PAX3: variants seen among roughly 807,000 people sequenced by gnomAD.
PAX3 encodes paired box 3.
PAX3 carries 14 observed loss-of-function variants against 51.6 expected under a neutral mutation model. That is an observed-to-expected ratio of 0.27 (90% CI 0.18 to 0.42). The LOEUF is 0.42. Among genes scored for constraint, PAX3 ranks in the 10% least tolerant of loss-of-function variants. The probability of loss-of-function intolerance (pLI) is 1.00; values close to 1 mark genes in which losing one functional copy is unlikely to be tolerated. For missense variants in PAX3, 540 were observed against 642.8 expected, an observed-to-expected ratio of 0.84 and a Z score of 1.73; for synonymous variants, 280 against 253.4, an observed-to-expected ratio of 1.11 and a Z score of -1.00.
rs537139398 is a variant in PAX3, at chr2:222,201,062, C to T, written c.*346G>A. 4.0e-4 allele frequency: 472 copies of T among 1,174,678 alleles called. 3 individuals are homozygous for T. Among genetic ancestry groups the T allele is most frequent in the Middle Eastern group, 9.6e-4 (5 of 5,224 alleles). 72.8% of individuals were successfully genotyped at this position (1,174,678 alleles called of 1,614,324 possible). A position where few individuals can be genotyped will look rare whatever the true frequency, so the allele number is the denominator to read the frequency against. ...ACACACACACACACACACGCACGCA[C>T]GCACACAAGCAAATGGAATGTTCTA... On this transcript the variant is annotated 3_prime_UTR_variant, in exon 9 of 9. Coordinates refer to ENST00000392070, the MANE Select transcript of PAX3 (RefSeq NM_181458.4).
chr2:222,221,433 A>G (rs1574648238), intron 5 of PAX3, 46 bp from the exon 6 acceptor site: 7 of 1,526,796 alleles, frequency 4.6e-6, no homozygotes, highest in Non-Finnish European at 6.4e-6. Context: ...ATGAAATAAT[A>G]GTACATTCTT....
chr2:222,298,487 C>A (rs750227123), intron 1 of PAX3, 44 bp downstream of exon 1: 1 of 1,519,974 alleles, frequency 6.6e-7, no homozygotes, highest in African/African-American at 1.4e-5. Context: ...GGCAGCCGGT[C>A]CCAGGCCCTG....
chr2:222,207,995 A>ATG (rs915228594), intron 7 of PAX3, among the ~76,000 whole-genome samples: 15 of 134,016 alleles, frequency 1.1e-4, no homozygotes, highest in African/African-American at 3.5e-4. Context: ...ATATACATAT[A>ATG]TGTGTGTGTA....
intron 4 of PAX3, among the ~76,000 whole-genome samples, chr2:222,247,228 G>C (rs2106119668): frequency 6.6e-6 from 1 of 152,270 alleles, no homozygotes; most frequent in East Asian, 1.9e-4. Context: ...TCTGATAGAA[G>C]AAGCTAGAGC....
At chr2:222,219,919 A>T (rs533835384) in intron 7 of PAX3, among the ~76,000 whole-genome samples, 1 of 152,346 alleles carries the variant, frequency 6.6e-6, no homozygotes, top group Admixed American at 6.5e-5. Flanking sequence ...AGTCTCCAAG[A>T]TTATATCAAA....
chr2:222,245,793 A>G (rs12618431), intron 4 of PAX3, among the ~76,000 whole-genome samples: 17,216 of 146,580 alleles, frequency 0.12, 1,228 homozygotes, highest in East Asian at 0.33. Context: ...AACATGGTGA[A>G]ACCCCATCTC....
chr2:222,240,468 G>A (rs958897526), intron 4 of PAX3, among the ~76,000 whole-genome samples: 1 of 152,186 alleles, frequency 6.6e-6, no homozygotes, highest in Non-Finnish European at 1.5e-5. Flanking sequence ...ATTGGTCATC[G>A]AAAAGTCCTC....
At chr2:222,229,458 T>C (rs1293855991) in intron 5 of PAX3, among the ~76,000 whole-genome samples, 3 of 152,114 alleles carry the variant, frequency 2.0e-5, no homozygotes, top group African/African-American at 4.8e-5. Context: ...CCTTGGTCTA[T>C]CTACAACTCT....
intron 4 of PAX3, chr2:222,232,860 T>C (rs1692650260): frequency 1.3e-5 from 2 of 154,470 alleles, no homozygotes; most frequent in Non-Finnish European, 2.9e-5. Context: ...ATTTATAGAC[T>C]ACTGCTCTTA....
At chr2:222,239,301 G>A (rs1692916031) in intron 4 of PAX3, among the ~76,000 whole-genome samples, 1 of 149,890 alleles carries the variant, frequency 6.7e-6, no homozygotes, top group South Asian at 2.2e-4. Context: ...GAAAGCTGGA[G>A]TGGATGAGAA....
At chr2:222,291,968 A>C (rs368661651) in intron 4 of PAX3, among the ~76,000 whole-genome samples, 1 of 106,886 alleles carries the variant, frequency 9.4e-6, no homozygotes, top group South Asian at 3.3e-4. Flanking sequence ...TCAGCCTCCA[A>C]GGTGTGTGTG....
At chr2:222,245,837 C>T (rs561760853) in intron 4 of PAX3, among the ~76,000 whole-genome samples, 107 of 148,614 alleles carry the variant, frequency 7.2e-4, no homozygotes, top group African/African-American at 2.4e-3. Flanking sequence ...AAAAATTAGC[C>T]GGGTGTAGTG....
chr2:222,284,089 C>T (rs1460449849), intron 4 of PAX3, among the ~76,000 whole-genome samples: 1 of 152,092 alleles, frequency 6.6e-6, no homozygotes, highest in Non-Finnish European at 1.5e-5. Flanking sequence ...TGGAAGGTGT[C>T]CTTAAAACTT....
chr2:222,255,448 C>T (rs1426204085), intron 4 of PAX3, among the ~76,000 whole-genome samples: 1 of 152,122 alleles, frequency 6.6e-6, no homozygotes, highest in African/African-American at 2.4e-5. Flanking sequence ...CTTGGGAGCC[C>T]CACCTCAGTC....
At chr2:222,223,419 G>A (rs1692272340) in intron 5 of PAX3, among the ~76,000 whole-genome samples, 2 of 152,146 alleles carry the variant, frequency 1.3e-5, no homozygotes, top group Non-Finnish European at 2.9e-5. Flanking sequence ...TTAATTTCAG[G>A]TCTGCATTAA....
intron 4 of PAX3, chr2:222,262,551 C>T (rs1327262307): frequency 6.6e-6 from 1 of 151,394 alleles, no homozygotes; most frequent in Non-Finnish European, 1.5e-5. Flanking sequence ...ATTTCTAAAA[C>T]TCTTTAAAAC....
At chr2:222,224,468 G>A (rs944128872) in intron 5 of PAX3, among the ~76,000 whole-genome samples, 1 of 152,080 alleles carries the variant, frequency 6.6e-6, no homozygotes, top group African/African-American at 2.4e-5. Flanking sequence ...AGCTGAATTT[G>A]CCAAAAGAAG....
At chr2:222,294,049 C>G (rs1480249693) in intron 4 of PAX3, 118 bp downstream of exon 4, 4 of 1,569,288 alleles carry the variant, frequency 2.5e-6, no homozygotes, top group Non-Finnish European at 3.5e-6. Context: ...GCAGAGACAC[C>G]GCGCATGAAG....
In PAX3 at chr2:222,200,885, G is replaced by A. The variant is rs139092725; in HGVS notation, c.*523C>T. 1.2e-3 allele frequency: 572 copies of A among 487,568 alleles called. 5 individuals are homozygous for A. In the East Asian group the frequency reaches 0.017, roughly 14 times the overall value. 30.2% of individuals were successfully genotyped at this position (487,568 alleles called of 1,614,324 possible). ...TTATTTCAATTTCCAGTGTGTAAGA[G>A]TCAAGGATTCCTCCATTCTTGCTTC... On this transcript the variant is annotated 3_prime_UTR_variant, in exon 9 of 9. Transcript: ENST00000392070.
Sources: gnomAD v4.1 joint callset for allele counts (sites outside exome capture counted in the v4.1 genomes callset) on GRCh38, gnomAD v4.1.1 for gene constraint, MANE v1.5 for transcripts, NCBI Gene and HGNC (gene_info 2026-07-23, HGNC 2026-07-21) for gene names.